ZFHX3: variants seen among roughly 807,000 people sequenced by gnomAD.
ZFHX3 encodes the protein zinc finger homeobox 3.
A neutral mutation model predicts 279.1 loss-of-function variants in ZFHX3; 42 were observed. The observed-to-expected ratio is 0.15, with a 90% CI of 0.12 to 0.19. The LOEUF is 0.19. ZFHX3 is among the 10% of genes least tolerant of loss of function. The probability of loss-of-function intolerance (pLI) is 1.00; values close to 1 mark genes in which losing one functional copy is unlikely to be tolerated. For missense variants in ZFHX3, 4,981 were observed against 4,754.0 expected (o/e 1.05, Z -1.40); for synonymous variants, 2,293 against 1,957.8 (o/e 1.17, Z -4.52).
At chr16:73,733,472 C>T (rs1048356792) in intron 1 of ZFHX3, among the ~76,000 whole-genome samples, 20 of 152,104 alleles carry the variant, frequency 1.3e-4, no homozygotes, top group Non-Finnish European at 2.9e-5. Context: ...TATATACCCC[C>T]AAATTACACT....
intron 1 of ZFHX3, among the ~76,000 whole-genome samples, chr16:72,984,252 C>T (rs1465340683): frequency 6.6e-6 from 1 of 152,190 alleles, no homozygotes; most frequent in Non-Finnish European, 1.5e-5. Flanking sequence ...CCTGATTCAA[C>T]CTTCCTCCTA....
At chr16:73,374,829 T>C (rs1351523307) in intron 3 of ZFHX3, among the ~76,000 whole-genome samples, 1 of 152,234 alleles carries the variant, frequency 6.6e-6, no homozygotes, top group Non-Finnish European at 1.5e-5. Flanking sequence ...GGTGTTTACA[T>C]GTTCTGCTGT....
intron 3 of ZFHX3, among the ~76,000 whole-genome samples, chr16:73,383,362 C>CT (rs1270187828): frequency 6.6e-6 from 1 of 152,136 alleles, no homozygotes; most frequent in Non-Finnish European, 1.5e-5. Flanking sequence ...GGCAAAAAGC[C>CT]GAGGCTGTAG....
At chr16:72,806,857 CAG>C (rs1281072691) in intron 7 of ZFHX3, 1 of 152,198 alleles carries the variant, frequency 6.6e-6, no homozygotes. Flanking sequence ...CAAAGGGCTA[CAG>C]AAGGTGTTCC....
chr16:73,105,126 C>G (rs548727052), intron 7 of ZFHX3, among the ~76,000 whole-genome samples: 1 of 152,000 alleles, frequency 6.6e-6, no homozygotes, highest in Admixed American at 6.6e-5. Flanking sequence ...TGTTGCTGGG[C>G]CAGGAGTGGT....
intron 2 of ZFHX3, among the ~76,000 whole-genome samples, chr16:73,558,906 G>A (rs1000644175): frequency 1.3e-5 from 2 of 151,398 alleles, no homozygotes; most frequent in Non-Finnish European, 2.9e-5. Context: ...GTAGAGACAG[G>A]GTTTCACCAT....
intron 2 of ZFHX3, among the ~76,000 whole-genome samples, chr16:73,473,324 G>A (rs528762295): frequency 1.6e-4 from 19 of 122,370 alleles, no homozygotes; most frequent in Non-Finnish European, 1.6e-4. Context: ...GAGACAGAGC[G>A]AGACTGTCTC....
chr16:73,705,540 G>C (rs1027070109), intron 1 of ZFHX3, among the ~76,000 whole-genome samples: 2 of 152,116 alleles, frequency 1.3e-5, no homozygotes, highest in Non-Finnish European at 2.9e-5. Context: ...TTCCTATAAG[G>C]CCTTGAAATA....
At chr16:73,131,475 G>A (rs554134239) in intron 6 of ZFHX3, among the ~76,000 whole-genome samples, 10 of 152,310 alleles carry the variant, frequency 6.6e-5, no homozygotes, top group South Asian at 6.2e-4. Context: ...TTGAGGGCAC[G>A]TCTGATTCTT....
chr16:73,041,106 C>G (rs1300630245), intron 1 of ZFHX3, among the ~76,000 whole-genome samples: 1 of 152,234 alleles, frequency 6.6e-6, no homozygotes, highest in Non-Finnish European at 1.5e-5. Flanking sequence ...AAGCAGTGCT[C>G]TGGTCCTCAG....
At chr16:73,628,012 T>G (rs1261965860) in intron 2 of ZFHX3, among the ~76,000 whole-genome samples, 18 of 152,176 alleles carry the variant, frequency 1.2e-4, no homozygotes, top group Non-Finnish European at 2.6e-4. Context: ...GTGCAAAGTA[T>G]CCCCAGAATT....
At chr16:72,850,508 C>G (rs550625041) in intron 4 of ZFHX3, among the ~76,000 whole-genome samples, 1 of 152,270 alleles carries the variant, frequency 6.6e-6, no homozygotes, top group African/African-American at 2.4e-5. Context: ...CTCTGGGCAG[C>G]GAGAAGTTTT....
At position 73,887,958 on chromosome 16, in the gene ZFHX3, C is replaced by T. The variant is rs182150067; in HGVS notation, c.-1608+3693G>A. On this transcript the variant is annotated intron_variant, in intron 1 of 17. Transcript: ENST00000641206. The stretch of plus-strand genomic sequence containing the variant: ...TCATCTTAGGTTGGACTATTTGACC[C>T]ACTCCCAGCTGGGAGGAACGGTTTA... 1.5e-3 allele frequency among the ~76,000 whole-genome samples: 235 copies of T among 152,184 alleles called. 1 individual carries two copies. Among genetic ancestry groups the T allele is most frequent in the African/African-American group, 5.2e-3 (217 of 41,534 alleles).
intron 3 of ZFHX3, among the ~76,000 whole-genome samples, chr16:73,445,270 GTA>G (rs908862073): frequency 2.7e-4 from 20 of 74,368 alleles, no homozygotes; most frequent in African/African-American, 6.4e-4. Flanking sequence ...GTATATGTAT[GTA>G]TATATGTGTG....
chr16:73,066,717 G>A (rs1226131717), intron 8 of ZFHX3, among the ~76,000 whole-genome samples: 1 of 152,178 alleles, frequency 6.6e-6, no homozygotes, highest in Non-Finnish European at 1.5e-5. Flanking sequence ...CGCGGCGAGG[G>A]GCGCACCTCG....
intron 5 of ZFHX3, among the ~76,000 whole-genome samples, chr16:73,220,988 G>A (rs556132053): frequency 8.9e-4 from 135 of 152,300 alleles, no homozygotes; most frequent in Non-Finnish European, 1.5e-3. Flanking sequence ...GAAAGCTGTA[G>A]AGCTGGGGAG....
intron 3 of ZFHX3, among the ~76,000 whole-genome samples, chr16:73,404,236 G>A (rs2017315614): frequency 6.6e-6 from 1 of 152,122 alleles, no homozygotes; most frequent in South Asian, 2.1e-4. Flanking sequence ...AGGCTGGACT[G>A]TAGCCTCTGG....
intron 2 of ZFHX3, among the ~76,000 whole-genome samples, chr16:73,540,365 T>C (rs906727890): frequency 4.6e-5 from 7 of 152,222 alleles, no homozygotes; most frequent in Admixed American, 3.9e-4. Flanking sequence ...TCAAGGAAGA[T>C]ATATTTTCTC....
chr16:73,103,495 T>A (rs1325047641), intron 7 of ZFHX3, among the ~76,000 whole-genome samples: 1 of 152,134 alleles, frequency 6.6e-6, no homozygotes, highest in African/African-American at 2.4e-5. Context: ...ATTAATTACT[T>A]CCTTATCCTT....
Sources: allele counts gnomAD v4.1 joint callset (sites outside exome capture counted in the v4.1 genomes callset), GRCh38; gene constraint gnomAD v4.1.1; transcripts MANE v1.5; gene names NCBI Gene and HGNC (gene_info 2026-07-23, HGNC 2026-07-21).